AVEN: variants seen among roughly 807,000 people sequenced by gnomAD.
The protein encoded by AVEN is cell death regulator Aven.
Under a neutral mutation model 38.1 loss-of-function variants are expected in AVEN, and 41 were observed. The observed-to-expected ratio is 1.08, with a 90% CI of 0.84 to 1.40. AVEN has a LOEUF of 1.40. AVEN is among the 40% of genes most tolerant of loss of function. The probability of loss-of-function intolerance (pLI) is 0.00; values close to 1 mark genes in which losing one functional copy is unlikely to be tolerated. For synonymous variants in AVEN, 206 were observed against 171.8 expected, an observed-to-expected ratio of 1.20 and a Z score of -1.56; for missense variants, 605 against 438.8, an observed-to-expected ratio of 1.38 and a Z score of -3.38.
At chr15:34,029,094 C>A (rs1343375586) in intron 1 of AVEN, among the ~76,000 whole-genome samples, 1 of 152,090 alleles carries the variant, frequency 6.6e-6, no homozygotes, top group Non-Finnish European at 1.5e-5. Flanking sequence ...ATGCTACCCA[C>A]CAGAGTAGAC....
intron 2 of AVEN, among the ~76,000 whole-genome samples, chr15:33,910,088 G>A (rs141573684): frequency 3.5e-4 from 52 of 149,604 alleles, no homozygotes; most frequent in Middle Eastern, 3.4e-3. Context: ...AGATCGCACC[G>A]CTGCACTCCA....
chr15:33,918,211 C>T (rs1012913168), intron 2 of AVEN, among the ~76,000 whole-genome samples: 8 of 152,038 alleles, frequency 5.3e-5, no homozygotes, highest in Non-Finnish European at 1.0e-4. Flanking sequence ...CAAAGCAAAG[C>T]AAGTGCTATT....
At chr15:34,015,465 G>A (rs185900072) in intron 1 of AVEN, among the ~76,000 whole-genome samples, 1 of 151,736 alleles carries the variant, frequency 6.6e-6, no homozygotes, top group Non-Finnish European at 1.5e-5. Context: ...CTGGGTGACA[G>A]AGCGAGACTC....
intron 2 of AVEN, among the ~76,000 whole-genome samples, chr15:33,949,311 C>T (rs552925792): frequency 4.5e-4 from 68 of 152,168 alleles, no homozygotes; most frequent in South Asian, 1.0e-3. Context: ...TGAGCCACCG[C>T]GCCCAGCCAA....
intron 2 of AVEN, among the ~76,000 whole-genome samples, chr15:33,982,563 A>C (rs573741014): frequency 6.6e-6 from 1 of 152,234 alleles, no homozygotes; most frequent in Non-Finnish European, 1.5e-5. Flanking sequence ...GCACTGCCAA[A>C]TCTTGATCCT....
In AVEN at chr15:34,063,683, A is replaced by C. The variant is rs1234875988; in HGVS notation, n.1127-251T>G. On this transcript the variant is annotated intron_variant and non_coding_transcript_variant, in intron 4 of 11. Coordinates refer to the AVEN transcript ENST00000675287. The surrounding 1 kb of genome is among the most constrained non-coding windows in gnomAD (Gnocchi z 4.1). Reference sequence around the variant, plus strand: ...AGCCCGCCACTGACCCTGTCCTCCAAGTGGTCTACAAGAGTCAGGGTAAGG... The same window carrying C: ...AGCCCGCCACTGACCCTGTCCTCCACGTGGTCTACAAGAGTCAGGGTAAGG... The C allele has an allele frequency of 6.2e-7, 1 of 1,614,082 alleles. No homozygotes were observed. Among genetic ancestry groups the C allele is most frequent in the African/African-American group, 1.3e-5 (1 of 74,918 alleles).
At chr15:33,965,017 G>C (rs983663163) in intron 2 of AVEN, among the ~76,000 whole-genome samples, 19 of 152,148 alleles carry the variant, frequency 1.2e-4, no homozygotes, top group Non-Finnish European at 7.4e-5. Context: ...ACTTGAACAA[G>C]TTACTTAACC....
At chr15:33,901,957 C>A (rs1470443043) in intron 2 of AVEN, among the ~76,000 whole-genome samples, 1 of 152,092 alleles carries the variant, frequency 6.6e-6, no homozygotes, top group African/African-American at 2.4e-5. Context: ...TTTTTCCTAG[C>A]CCATAGGTTG....
chr15:33,852,081 G>T, the AVEN span: 2 of 39,230 alleles, frequency 5.1e-5, no homozygotes, highest in African/African-American at 1.5e-4. Flanking sequence ...TCAGTGAATA[G>T]TAGGAGGTCT....
intron 2 of AVEN, among the ~76,000 whole-genome samples, chr15:33,882,140 C>T (rs532489992): frequency 6.6e-6 from 1 of 152,226 alleles, no homozygotes; most frequent in Non-Finnish European, 1.5e-5. Flanking sequence ...TATATAATAT[C>T]CTCAAACAAG....
At chr15:33,980,995 A>C (rs1896115627) in intron 2 of AVEN, among the ~76,000 whole-genome samples, 1 of 152,182 alleles carries the variant, frequency 6.6e-6, no homozygotes, top group Non-Finnish European at 1.5e-5. Flanking sequence ...TCACTTTAAA[A>C]TAGAGATCAT....
Position 33,942,148 on chromosome 15 carries a change from T to C in AVEN, c.445+60884A>G, listed in dbSNP as rs570264438. 4.6e-4 allele frequency among the ~76,000 whole-genome samples: 70 copies of C among 152,348 alleles called. 1 individual carries two copies. Among genetic ancestry groups the C allele is most frequent in the Admixed American group, 4.1e-3 (62 of 15,298 alleles). The stretch of plus-strand genomic sequence containing the variant: ...TCTGTCCTCATTAAATAAACTCAGT[T>C]ACTATTTCCAATTACAGCTATTACT... On this transcript the variant is annotated intron_variant, in intron 2 of 5. Coordinates refer to ENST00000306730, the MANE Select transcript of AVEN (RefSeq NM_020371.3).
At chr15:33,923,563 A>G (rs1212450168) in intron 2 of AVEN, among the ~76,000 whole-genome samples, 1 of 152,248 alleles carries the variant, frequency 6.6e-6, no homozygotes, top group Non-Finnish European at 1.5e-5. Context: ...TAGCTGCTAT[A>G]GTGCAAAGGC....
chr15:34,031,320 G>A (rs774430105), intron 1 of AVEN, among the ~76,000 whole-genome samples: 22 of 151,728 alleles, frequency 1.4e-4, no homozygotes, highest in Non-Finnish European at 2.1e-4. Context: ...GATTACAGGC[G>A]CATGCCACCA....
At chr15:33,853,624 G>A in the AVEN span, 2 of 1,614,004 alleles carry the variant, frequency 1.2e-6, no homozygotes, top group Non-Finnish European at 1.7e-6. Context: ...GGACAAAAAT[G>A]CTCTTGACTT....
At chr15:33,981,576 C>T (rs1896146095) in intron 2 of AVEN, among the ~76,000 whole-genome samples, 1 of 152,186 alleles carries the variant, frequency 6.6e-6, no homozygotes, top group South Asian at 2.1e-4. Context: ...GGGCCTACTG[C>T]TGCATAGCCA....
At chr15:34,040,144 C>CT (rs1899405901), upstream of AVEN, among the ~76,000 whole-genome samples, 5 of 152,134 alleles carry the variant, frequency 3.3e-5, no homozygotes, top group Non-Finnish European at 4.4e-5. Context: ...AGGCACAGTG[C>CT]TATGTCCTGA....
At chr15:33,894,147 G>A (rs959663078) in intron 2 of AVEN, among the ~76,000 whole-genome samples, 1 of 151,766 alleles carries the variant, frequency 6.6e-6, no homozygotes, top group Non-Finnish European at 1.5e-5. Flanking sequence ...ATGGGGTTTC[G>A]CTATGTTGGC....
At chr15:33,902,286 C>T (rs924554240) in intron 2 of AVEN, among the ~76,000 whole-genome samples, 1 of 152,118 alleles carries the variant, frequency 6.6e-6, no homozygotes, top group African/African-American at 2.4e-5. Flanking sequence ...TTAACACACA[C>T]AAAATCAATG....
Sources: gnomAD v4.1 joint callset for allele counts (sites outside exome capture counted in the v4.1 genomes callset) on GRCh38, gnomAD v4.1.1 for gene constraint, Gnocchi (gnomAD v3.1) non-coding constraint, MANE v1.5 for transcripts, NCBI Gene and HGNC (gene_info 2026-07-23, HGNC 2026-07-21) for gene names.